Variants in CADPS2 observed in about 807,000 individuals in gnomAD.
CADPS2 encodes the protein calcium-dependent secretion activator 2.
A neutral mutation model predicts 172.5 loss-of-function variants in CADPS2; 93 were observed. That is an observed-to-expected ratio of 0.54 (90% CI 0.46 to 0.64). CADPS2 has a LOEUF of 0.64. CADPS2 is among the 30% of genes least tolerant of loss of function. The probability of loss-of-function intolerance (pLI) is 0.00; values close to 1 mark genes in which losing one functional copy is unlikely to be tolerated. For synonymous variants in CADPS2, 546 were observed against 555.2 expected (o/e 0.98, Z 0.23); for missense variants, 1,420 against 1,565.9 (o/e 0.91, Z 1.57).
intron 12 of CADPS2, among the ~76,000 whole-genome samples, chr7:122,478,370 T>C (rs1383377485): frequency 2.6e-5 from 4 of 152,174 alleles, no homozygotes; most frequent in African/African-American, 9.7e-5. Flanking sequence ...CTGTCATAAA[T>C]TGTGATGATT....
At chr7:122,524,292 AC>A (rs2061034808) in intron 8 of CADPS2, among the ~76,000 whole-genome samples, 1 of 152,226 alleles carries the variant, frequency 6.6e-6, no homozygotes, top group Non-Finnish European at 1.5e-5. Flanking sequence ...TCCTGAATTA[AC>A]ACAAATATGT....
intron 7 of CADPS2, among the ~76,000 whole-genome samples, chr7:122,577,340 T>C (rs1272017539): frequency 6.6e-6 from 1 of 152,278 alleles, no homozygotes. Flanking sequence ...CCTTTCTGGC[T>C]GACAACCCAC....
chr7:122,701,984 T>C (rs1156802340), intron 2 of CADPS2: 28 of 1,613,576 alleles, frequency 1.7e-5, no homozygotes, highest in Non-Finnish European at 2.2e-5. Context: ...AACACAGTTG[T>C]CTTCATTTAG....
chr7:122,433,404 TG>T (rs1169348666), intron 17 of CADPS2, among the ~76,000 whole-genome samples: 2 of 140,336 alleles, frequency 1.4e-5, no homozygotes, highest in African/African-American at 5.3e-5. Context: ...TGTGTTTTTT[TG>T]GTTTTTTTTT....
intron 14 of CADPS2, among the ~76,000 whole-genome samples, chr7:122,466,358 T>C (rs1041552103): frequency 2.6e-5 from 4 of 152,212 alleles, no homozygotes; most frequent in Admixed American, 1.3e-4. Context: ...ATACTTATCC[T>C]GGATGACGGG....
chr7:122,321,004 AAAG>A (rs1054569045), intron 29 of CADPS2, among the ~76,000 whole-genome samples: 1 of 152,244 alleles, frequency 6.6e-6, no homozygotes, highest in Non-Finnish European at 1.5e-5. Context: ...TTTTTTCTTA[AAAG>A]AATACATTAA....
intron 6 of CADPS2, among the ~76,000 whole-genome samples, chr7:122,593,914 T>C (rs976791594): frequency 1.3e-5 from 2 of 152,026 alleles, no homozygotes; most frequent in African/African-American, 4.8e-5. Context: ...AAACTGAGAT[T>C]TACTTTTAAT....
At position 122,513,281 on chromosome 7, in the gene CADPS2, T is replaced by C. The variant is rs1206678943; in HGVS notation, c.1510A>G (p.Arg504Gly). The stretch of plus-strand genomic sequence containing the variant: ...AGAACAAAGTAACGTTTTTTCCATC[T>C]TTTCCAAACCTTCTGTCCAAGGGCA... ...LYALGQKVWK[R>G]WKKRYFVLVQ... The change falls in exon 9 of 30, where the codon AGA (arginine) becomes GGA (glycine). Residue 504 changes from arginine to glycine, a missense_variant. Arg to Gly is a moderately radical substitution (Grantham distance 125, BLOSUM62 -2). Coordinates refer to ENST00000449022, the MANE Select transcript of CADPS2 (RefSeq NM_017954.11). The C allele has an allele frequency of 1.9e-6, 3 of 1,562,896 alleles. No individual in the cohort carries two copies. Among genetic ancestry groups the C allele is most frequent in the Non-Finnish European group, 2.6e-6 (3 of 1,152,234 alleles).
At position 122,733,420 on chromosome 7, in the gene CADPS2, T is replaced by C. The variant is rs752166602; in HGVS notation, c.453+3535A>G. On this transcript the variant is annotated intron_variant, in intron 2 of 29. Coordinates refer to ENST00000449022, the MANE Select transcript of CADPS2 (RefSeq NM_017954.11). ...ACAATGGTAAACAGAAATGGCTCTT[T>C]CATGGAACATACATTCTAGAAGTTA... 3.2e-4 allele frequency among the ~76,000 whole-genome samples: 48 copies of C among 151,668 alleles called. No homozygotes were observed. In the South Asian group the frequency reaches 3.3e-3, roughly 11 times the overall value.
chr7:122,781,621 TCTTA>T (rs1792749278), intron 1 of CADPS2, among the ~76,000 whole-genome samples: 1 of 152,182 alleles, frequency 6.6e-6, no homozygotes, highest in African/African-American at 2.4e-5. Context: ...ATGTATCCTT[TCTTA>T]ATCTATCCTT....
At chr7:122,625,356 A>C (rs752008084) in intron 4 of CADPS2, among the ~76,000 whole-genome samples, 11 of 152,142 alleles carry the variant, frequency 7.2e-5, no homozygotes, top group Non-Finnish European at 1.5e-4. Flanking sequence ...AGCCCAATTA[A>C]TTTTGTTTGT....
intron 7 of CADPS2, among the ~76,000 whole-genome samples, chr7:122,570,821 G>T (rs1415291390): frequency 6.6e-6 from 1 of 152,038 alleles, no homozygotes; most frequent in Admixed American, 6.6e-5. Flanking sequence ...TTCATAGATG[G>T]GAATTGAACA....
intron 2 of CADPS2, among the ~76,000 whole-genome samples, chr7:122,725,229 G>T (rs2090956423): frequency 6.6e-6 from 1 of 151,912 alleles, no homozygotes; most frequent in African/African-American, 2.4e-5. Context: ...TGAATATAAG[G>T]ATCTAATGTT....
chr7:122,658,489 A>G lies in CADPS2; in HGVS notation c.786+4748T>C, dbSNP rs564028329. Among the ~76,000 whole-genome samples, 14 of 152,332 alleles carry G rather than the reference A, an allele frequency of 9.2e-5. 1 individual carries two copies. The South Asian group carries it at 2.3e-3, about 25-fold the overall frequency. ...AATAGCAAAGACTTGGAACCAACCCAAATGTCAATGATAGACTGGATTAAG... is the reference window on the plus strand; with the variant it reads ...AATAGCAAAGACTTGGAACCAACCCGAATGTCAATGATAGACTGGATTAAG... On this transcript the variant is annotated intron_variant, in intron 3 of 29. Transcript: ENST00000449022.
intron 1 of CADPS2, among the ~76,000 whole-genome samples, chr7:122,831,096 G>A (rs1448256223): frequency 6.6e-6 from 1 of 152,124 alleles, no homozygotes; most frequent in African/African-American, 2.4e-5. Context: ...GCTAGAAGAA[G>A]CACTACCATG....
chr7:122,461,349 CT>C (rs1210565961), intron 14 of CADPS2, among the ~76,000 whole-genome samples: 1 of 152,046 alleles, frequency 6.6e-6, no homozygotes, highest in African/African-American at 2.4e-5. Flanking sequence ...AAATATAAAT[CT>C]TTATATTCCA....
At chr7:122,424,377 T>C in intron 17 of CADPS2, 3 of 978,994 alleles carry the variant, frequency 3.1e-6, no homozygotes, top group Non-Finnish European at 3.6e-6. Flanking sequence ...TGGCCAGCTG[T>C]TGAACAAAGG....
chr7:122,783,578 T>C (rs1408175565), intron 1 of CADPS2, among the ~76,000 whole-genome samples: 1 of 152,192 alleles, frequency 6.6e-6, no homozygotes, highest in Non-Finnish European at 1.5e-5. Context: ...CCAGTCCAGC[T>C]GAGAGTGTCT....
intron 22 of CADPS2, 77 bp downstream of exon 22, chr7:122,393,119 A>G: frequency 6.5e-7 from 1 of 1,536,592 alleles, no homozygotes; most frequent in Middle Eastern, 1.7e-4. Context: ...CATGCAGTCT[A>G]AACACATCTG....
Sources: allele counts gnomAD v4.1 joint callset (sites outside exome capture counted in the v4.1 genomes callset), GRCh38; gene constraint gnomAD v4.1.1; transcripts MANE v1.5; gene names NCBI Gene and HGNC (gene_info 2026-07-23, HGNC 2026-07-21).